LRRC4C: variants seen among roughly 807,000 people sequenced by gnomAD.
LRRC4C encodes the protein leucine rich repeat containing 4C.
A neutral mutation model predicts 33.6 loss-of-function variants in LRRC4C; 5 were observed. That is an observed-to-expected ratio of 0.15 (90% CI 0.08 to 0.31). The LOEUF (loss-of-function observed/expected upper bound fraction) is 0.31. LRRC4C is among the 10% of genes least tolerant of loss of function. The probability of loss-of-function intolerance (pLI) is 1.00; values close to 1 mark genes in which losing one functional copy is unlikely to be tolerated. For missense variants in LRRC4C, 560 were observed against 796.7 expected, an observed-to-expected ratio of 0.70 and a Z score of 3.58; for synonymous variants, 329 against 302.0, an observed-to-expected ratio of 1.09 and a Z score of -0.93.
At chr11:40,333,799 T>C (rs1460176109) in intron 3 of LRRC4C, among the ~76,000 whole-genome samples, 1 of 150,972 alleles carries the variant, frequency 6.6e-6, no homozygotes, top group African/African-American at 2.4e-5. Flanking sequence ...TTCCAATGAG[T>C]ATGATAATGA....
chr11:40,660,964 C>T (rs900931107), intron 2 of LRRC4C, among the ~76,000 whole-genome samples: 3 of 152,094 alleles, frequency 2.0e-5, no homozygotes, highest in Non-Finnish European at 2.9e-5. Context: ...GAATGTATCA[C>T]CTAATATTGT....
chr11:41,383,288 A>G (rs1953227544), intron 1 of LRRC4C, among the ~76,000 whole-genome samples: 1 of 152,048 alleles, frequency 6.6e-6, no homozygotes, highest in African/African-American at 2.4e-5. Flanking sequence ...GAATTTAGGA[A>G]TTTGCCATGA....
At chr11:41,299,884 G>A (rs555394949) in intron 1 of LRRC4C, among the ~76,000 whole-genome samples, 1 of 152,106 alleles carries the variant, frequency 6.6e-6, no homozygotes, top group South Asian at 2.1e-4. Flanking sequence ...TATTTTACTG[G>A]ACCAAAATAA....
chr11:41,035,700 C>T (rs1056760544), intron 1 of LRRC4C, among the ~76,000 whole-genome samples: 1 of 152,098 alleles, frequency 6.6e-6, no homozygotes, highest in Non-Finnish European at 1.5e-5. Context: ...GGGAATAATA[C>T]ATTTTCTAAA....
chr11:41,164,191 A>ATTTTTTTT (rs57477183), intron 1 of LRRC4C, among the ~76,000 whole-genome samples: 1 of 88,410 alleles, frequency 1.1e-5, no homozygotes, highest in Non-Finnish European at 2.9e-5. Flanking sequence ...TACCTTTTTT[A>ATTTTTTTT]TTTTTTTTTT....
intron 2 of LRRC4C, among the ~76,000 whole-genome samples, chr11:40,810,708 T>C (rs1951451615): frequency 6.6e-6 from 1 of 152,156 alleles, no homozygotes; most frequent in Admixed American, 6.6e-5. Context: ...GGTTAAATCT[T>C]AATTCTTCTA....
At chr11:40,916,499 A>G (rs926660033) in intron 2 of LRRC4C, among the ~76,000 whole-genome samples, 1 of 152,120 alleles carries the variant, frequency 6.6e-6, no homozygotes, top group Admixed American at 6.6e-5. Context: ...TTGAACAATG[A>G]GAACACATGG....
At chr11:41,157,712 T>C (rs557977440) in intron 1 of LRRC4C, among the ~76,000 whole-genome samples, 2 of 152,162 alleles carry the variant, frequency 1.3e-5, no homozygotes, top group African/African-American at 4.8e-5. Context: ...GGCTTTGATA[T>C]GATTTTGTAT....
At chr11:40,828,162 C>CAT (rs2135523914) in intron 2 of LRRC4C, among the ~76,000 whole-genome samples, 1 of 150,998 alleles carries the variant, frequency 6.6e-6, no homozygotes, top group Non-Finnish European at 1.5e-5. Flanking sequence ...TACACACACA[C>CAT]ACACACACAC....
At chr11:40,475,144 C>T (rs972594779) in intron 3 of LRRC4C, among the ~76,000 whole-genome samples, 1 of 152,090 alleles carries the variant, frequency 6.6e-6, no homozygotes, top group Non-Finnish European at 1.5e-5. Flanking sequence ...TACAAACATA[C>T]ATGCACATGT....
chr11:40,759,725 TATC>T (rs1353966035), intron 2 of LRRC4C, among the ~76,000 whole-genome samples: 2 of 152,120 alleles, frequency 1.3e-5, no homozygotes, highest in South Asian at 2.1e-4. Flanking sequence ...TCCTTGTCGA[TATC>T]ATGAACAAAA....
At chr11:40,282,048 T>C (rs1259905260) in intron 4 of LRRC4C, among the ~76,000 whole-genome samples, 2 of 152,162 alleles carry the variant, frequency 1.3e-5, no homozygotes, top group Non-Finnish European at 1.5e-5. Context: ...AGTTTGTAGT[T>C]TGACAAGAAC....
chr11:40,997,097 T>G (rs902612916), intron 1 of LRRC4C, among the ~76,000 whole-genome samples: 2 of 152,246 alleles, frequency 1.3e-5, no homozygotes, highest in Middle Eastern at 6.8e-3. Flanking sequence ...AGGGTTTAGT[T>G]CTGCAATGAT....
chr11:41,408,200 A>G (rs972434503), intron 1 of LRRC4C, among the ~76,000 whole-genome samples: 3 of 152,228 alleles, frequency 2.0e-5, no homozygotes, highest in Non-Finnish European at 2.9e-5. Context: ...ATTTAATTGT[A>G]AAATTCATAG....
intron 1 of LRRC4C, among the ~76,000 whole-genome samples, chr11:41,224,247 A>T (rs1386995749): frequency 6.6e-6 from 1 of 152,148 alleles, no homozygotes; most frequent in Non-Finnish European, 1.5e-5. Context: ...ACCTCCCTTG[A>T]AGGTATTTGA....
intron 1 of LRRC4C, among the ~76,000 whole-genome samples, chr11:41,359,929 C>A (rs920562627): frequency 6.6e-6 from 1 of 152,038 alleles, no homozygotes; most frequent in African/African-American, 2.4e-5. Context: ...ATGCCTGTAA[C>A]CCCAGCACTT....
rs117534108 is a variant in LRRC4C, at chr11:41,420,024, C to T, written c.-496+39407G>A. Among the ~76,000 whole-genome samples, 382 of 151,716 alleles carry T rather than the reference C, an allele frequency of 2.5e-3. 2 individuals are homozygous for T. Among genetic ancestry groups the T allele is most frequent in the Non-Finnish European group, 4.3e-3 (294 of 67,852 alleles). The stretch of plus-strand genomic sequence containing the variant: ...TCAGTAATACCGCAGGCCTTCGATG[C>T]GGTGGGAGAAGTGCTTTTTCTTCTC... On this transcript the variant is annotated intron_variant, in intron 1 of 6. Coordinates refer to ENST00000528697, the MANE Select transcript of LRRC4C (RefSeq NM_001258419.2).
chr11:40,934,624 C>T (rs529048729), intron 1 of LRRC4C, among the ~76,000 whole-genome samples: 1 of 152,186 alleles, frequency 6.6e-6, no homozygotes, highest in South Asian at 2.1e-4. Context: ...TCCAGTTTTC[C>T]TCCCACAATG....
chr11:40,541,015 C>A (rs1292951300), intron 3 of LRRC4C, among the ~76,000 whole-genome samples: 2 of 152,126 alleles, frequency 1.3e-5, no homozygotes, highest in African/African-American at 4.8e-5. Context: ...AAATCAAACA[C>A]TTTATTACAG....
Sources: gnomAD v4.1 joint callset for allele counts (sites outside exome capture counted in the v4.1 genomes callset) on GRCh38, gnomAD v4.1.1 for gene constraint, MANE v1.5 for transcripts, NCBI Gene and HGNC (gene_info 2026-07-23, HGNC 2026-07-21) for gene names.